Variants in FOXO3 observed in about 807,000 individuals in gnomAD.
FOXO3 encodes forkhead box protein O3.
A neutral mutation model predicts 41.9 loss-of-function variants in FOXO3; 4 were observed. The ratio of observed to expected loss-of-function variants is 0.10; its 90% CI spans 0.05 to 0.22. The LOEUF is 0.22. Among genes scored for constraint, FOXO3 ranks in the 10% least tolerant of loss-of-function variants. The pLI is 1.00. For missense variants in FOXO3, 534 were observed against 906.8 expected (o/e 0.59, Z 5.28); for synonymous variants, 318 against 389.3 (o/e 0.82, Z 2.16).
chr6:108,575,142 A>G (rs1173450645), intron 1 of FOXO3, among the ~76,000 whole-genome samples: 1 of 152,210 alleles, frequency 6.6e-6, no homozygotes, highest in Non-Finnish European at 1.5e-5. Context: ...TCTTTTTACT[A>G]CATTAAAAAG....
At chr6:108,583,184 C>G (rs1302167400) in intron 1 of FOXO3, among the ~76,000 whole-genome samples, 1 of 152,182 alleles carries the variant, frequency 6.6e-6, no homozygotes, top group Non-Finnish European at 1.5e-5. Context: ...TGGATACAGT[C>G]CTCGCTTCAG....
At chr6:108,645,498 C>CAAGA (rs1457334864) in intron 1 of FOXO3, among the ~76,000 whole-genome samples, 1 of 144,728 alleles carries the variant, frequency 6.9e-6, no homozygotes, top group Non-Finnish European at 1.5e-5. Context: ...TGACCCAAAA[C>CAAGA]AAGAAGTGTC....
At chr6:108,609,715 C>T (rs752452472) in intron 1 of FOXO3, among the ~76,000 whole-genome samples, 4 of 152,170 alleles carry the variant, frequency 2.6e-5, no homozygotes, top group African/African-American at 9.7e-5. Flanking sequence ...GCCAACAAAG[C>T]GACCTCTCTT....
rs140445546 is a variant in FOXO3 at position 108,684,711 on chromosome 6, G to A, written c.*4919G>A. On this transcript the variant is annotated 3_prime_UTR_variant, in exon 3 of 3. Coordinates refer to ENST00000406360, the MANE Select transcript of FOXO3 (RefSeq NM_001455.4). ...TGCCTTGTGTATTCCACTTAAAACC[G>A]TAATCTAGTTTGTAAAAGAGATGGT... The A allele has an allele frequency of 6.5e-3, 998 of 152,684 alleles. 7 individuals carry two copies. Among genetic ancestry groups the A allele is most frequent in the Middle Eastern group, 0.014 (4 of 294 alleles). The allele number at this position is 152,684 out of a possible 1,614,324, so 9.5% of individuals were successfully genotyped here. A position where few individuals can be genotyped will look rare whatever the true frequency, so the allele number is the denominator to read the frequency against.
At chr6:108,656,770 T>A (rs2128384627) in intron 1 of FOXO3, among the ~76,000 whole-genome samples, 1 of 152,374 alleles carries the variant, frequency 6.6e-6, no homozygotes, top group Admixed American at 6.5e-5. Flanking sequence ...TCACACCTAA[T>A]CTGATCTGTT....
At chr6:108,594,702 C>T (rs868759902) in intron 1 of FOXO3, among the ~76,000 whole-genome samples, 1 of 152,174 alleles carries the variant, frequency 6.6e-6, no homozygotes, top group Admixed American at 6.5e-5. Flanking sequence ...CCCCTTGTGC[C>T]CCATGGCCCT....
intron 1 of FOXO3, among the ~76,000 whole-genome samples, chr6:108,597,119 T>G (rs1453767413): frequency 6.6e-6 from 1 of 152,208 alleles, no homozygotes; most frequent in African/African-American, 2.4e-5. Flanking sequence ...CAGTTGTGTC[T>G]TAACTTGTCC....
chr6:108,594,061 G>A (rs1289270993), intron 1 of FOXO3, among the ~76,000 whole-genome samples: 4 of 152,206 alleles, frequency 2.6e-5, no homozygotes, highest in Admixed American at 2.0e-4. Context: ...CTTTGTGTTT[G>A]TGTAAACTTT....
chr6:108,658,896 G>C (rs1354124337), intron 1 of FOXO3, among the ~76,000 whole-genome samples: 1 of 148,236 alleles, frequency 6.7e-6, no homozygotes, highest in Non-Finnish European at 1.5e-5. Context: ...TTGTTTGTTT[G>C]TTTTTTGAGA....
At position 108,665,812 on chromosome 6, in the gene FOXO3, G is replaced by GAAA. The variant is rs34062396; in HGVS notation, c.*34+938_*34+940dup. ...TGGTAAAGCAAGAACCTATCTCTTA[G>GAAA]AAAAAAAAAAAAAAAAAGCCAAAAA... On this transcript the variant is annotated intron_variant, in intron 2 of 2. Coordinates refer to ENST00000406360, the MANE Select transcript of FOXO3 (RefSeq NM_001455.4). Among the ~76,000 whole-genome samples, 17 of 125,408 alleles carry GAAA rather than the reference G, an allele frequency of 1.4e-4. No individual in the cohort carries two copies. The East Asian group carries it at 1.6e-3, about 12-fold the overall frequency. 82.3% of individuals were successfully genotyped at this position (125,408 alleles called of 152,430 possible).
chr6:108,575,638 C>T (rs1284264432), intron 1 of FOXO3, among the ~76,000 whole-genome samples: 5 of 152,154 alleles, frequency 3.3e-5, no homozygotes, highest in Non-Finnish European at 7.4e-5. Flanking sequence ...TTATCTCATC[C>T]TTCATACTTT....
At chr6:108,579,857 G>A (rs887566054) in intron 1 of FOXO3, among the ~76,000 whole-genome samples, 4 of 152,076 alleles carry the variant, frequency 2.6e-5, no homozygotes, top group African/African-American at 9.7e-5. Context: ...GATAATGAGG[G>A]ACATCACCTG....
At chr6:108,574,932 C>T (rs941626682) in intron 1 of FOXO3, among the ~76,000 whole-genome samples, 2 of 152,094 alleles carry the variant, frequency 1.3e-5, no homozygotes, top group African/African-American at 2.4e-5. Context: ...CTGTGATAAA[C>T]GTGAGCAGGC....
chr6:108,657,180 T>G (rs549596138), intron 1 of FOXO3, among the ~76,000 whole-genome samples: 1 of 152,362 alleles, frequency 6.6e-6, no homozygotes, highest in African/African-American at 2.4e-5. Flanking sequence ...AAGAGTATTC[T>G]TACCACTGCA....
At chr6:108,674,252 G>T (rs1318346005) in intron 2 of FOXO3, among the ~76,000 whole-genome samples, 1 of 152,196 alleles carries the variant, frequency 6.6e-6, no homozygotes, top group African/African-American at 2.4e-5. Context: ...AGGATGCTGA[G>T]TGTTTGAGTT....
chr6:108,575,994 T>C (rs1776251609), intron 1 of FOXO3, among the ~76,000 whole-genome samples: 1 of 152,250 alleles, frequency 6.6e-6, no homozygotes, highest in Admixed American at 6.5e-5. Context: ...CTGATTATTT[T>C]AAAGTTATCT....
intron 1 of FOXO3, among the ~76,000 whole-genome samples, chr6:108,582,987 G>T (rs1428912379): frequency 6.6e-6 from 1 of 152,136 alleles, no homozygotes; most frequent in Non-Finnish European, 1.5e-5. Flanking sequence ...GTCCTGAAAC[G>T]CAGTGCCTTG....
intron 1 of FOXO3, among the ~76,000 whole-genome samples, chr6:108,641,507 T>C (rs1778257247): frequency 6.6e-6 from 1 of 152,150 alleles, no homozygotes; most frequent in Non-Finnish European, 1.5e-5. Context: ...TAAAGCTCTG[T>C]CTCAACTTCT....
At chr6:108,637,946 A>C (rs1778161566) in intron 1 of FOXO3, among the ~76,000 whole-genome samples, 1 of 152,240 alleles carries the variant, frequency 6.6e-6, no homozygotes, top group African/African-American at 2.4e-5. Context: ...TTAAATCAGT[A>C]GAACAGGAAA....
Sources: allele counts gnomAD v4.1 joint callset (sites outside exome capture counted in the v4.1 genomes callset), GRCh38; gene constraint gnomAD v4.1.1; transcripts MANE v1.5; gene names NCBI Gene and HGNC (gene_info 2026-07-23, HGNC 2026-07-21).